The following KLHL14 variants were observed in gnomAD, a reference collection of about 807,000 sequenced individuals.
KLHL14 encodes kelch like family member 14.
A neutral mutation model predicts 64.3 loss-of-function variants in KLHL14; 22 were observed. The ratio of observed to expected loss-of-function variants is 0.34; its 90% CI spans 0.24 to 0.49. KLHL14 has a LOEUF of 0.49. KLHL14 is among the 20% of genes least tolerant of loss of function. The pLI, the probability that KLHL14 is intolerant of heterozygous loss-of-function variation, is 0.99. For synonymous variants in KLHL14, 322 were observed against 333.4 expected, an observed-to-expected ratio of 0.97 and a Z score of 0.37; for missense variants, 661 against 789.0, an observed-to-expected ratio of 0.84 and a Z score of 1.94.
intron 3 of KLHL14, among the ~76,000 whole-genome samples, chr18:32,717,463 AC>A (rs2050052221): frequency 6.6e-6 from 1 of 152,108 alleles, no homozygotes; most frequent in South Asian, 2.1e-4. Flanking sequence ...TTCTTCATCT[AC>A]CCCTGAAAAG....
At chr18:32,731,604 C>T (rs755468805) in intron 3 of KLHL14, among the ~76,000 whole-genome samples, 3 of 152,086 alleles carry the variant, frequency 2.0e-5, no homozygotes, top group Non-Finnish European at 4.4e-5. Context: ...AACAAACCTT[C>T]ACATGTACCC....
Position 32,683,046 on chromosome 18 carries a change from C to G in KLHL14, c.1239-2447G>C, listed in dbSNP as rs771338965. Among the ~76,000 whole-genome samples the G allele has an allele frequency of 1.3e-5, 2 of 152,176 alleles. No homozygotes were observed. The highest frequency in any genetic ancestry group is 1.3e-4 in the Admixed American group (2 of 15,284). ...ACAAGTATGAAAACCTTCTATTTAA[C>G]TGAGTATAGATTTTGAAGAATAAGA... is the stretch of plus-strand genomic sequence containing the variant. On this transcript the variant is annotated intron_variant, in intron 5 of 8. Coordinates refer to ENST00000359358, the MANE Select transcript of KLHL14 (RefSeq NM_020805.3). This position sits in a 1 kb window ranked among gnomAD's most constrained non-coding sequence, Gnocchi z 4.2.
At chr18:32,721,018 G>A (rs2050076934) in intron 3 of KLHL14, among the ~76,000 whole-genome samples, 1 of 152,190 alleles carries the variant, frequency 6.6e-6, no homozygotes, top group South Asian at 2.1e-4. Flanking sequence ...ATGGAAATAT[G>A]GGAGAATAAT....
At chr18:32,696,799 G>T (rs185000083) in intron 3 of KLHL14, among the ~76,000 whole-genome samples, 1 of 151,978 alleles carries the variant, frequency 6.6e-6, no homozygotes, top group South Asian at 2.1e-4. Context: ...AAGCATTTAC[G>T]CTGGCTAAGA....
intron 3 of KLHL14, among the ~76,000 whole-genome samples, chr18:32,704,657 G>T (rs558142635): frequency 2.5e-4 from 38 of 152,242 alleles, no homozygotes; most frequent in African/African-American, 9.1e-4. Context: ...AGGAGGCAGA[G>T]GTTGCTGTGA....
At chr18:32,735,721 A>T (rs2050162760) in intron 3 of KLHL14, among the ~76,000 whole-genome samples, 1 of 152,086 alleles carries the variant, frequency 6.6e-6, no homozygotes, top group South Asian at 2.1e-4. Flanking sequence ...ACATTTTCTT[A>T]TTATATATTG....
chr18:32,717,892 C>T (rs1259583362), intron 3 of KLHL14, among the ~76,000 whole-genome samples: 2 of 152,194 alleles, frequency 1.3e-5, no homozygotes, highest in Admixed American at 6.5e-5. Context: ...CTCCTCTAAA[C>T]GTTCATTTTC....
intron 2 of KLHL14, among the ~76,000 whole-genome samples, chr18:32,748,558 A>C (rs558986344): frequency 1.3e-5 from 2 of 151,388 alleles, no homozygotes; most frequent in Admixed American, 6.6e-5. Context: ...TTTAGTAGAG[A>C]CTGGGTTTCA....
At chr18:32,732,730 T>C (rs1736327731) in intron 3 of KLHL14, among the ~76,000 whole-genome samples, 1 of 152,210 alleles carries the variant, frequency 6.6e-6, no homozygotes, top group Admixed American at 6.5e-5. Flanking sequence ...ACTATTTACT[T>C]ACATAAACCA....
intron 3 of KLHL14, among the ~76,000 whole-genome samples, chr18:32,734,541 T>G (rs2050153734): frequency 6.6e-6 from 1 of 152,220 alleles, no homozygotes; most frequent in South Asian, 2.1e-4. Flanking sequence ...GACATAGAGA[T>G]TTCATTCTGA....
At chr18:32,729,502 A>C (rs2050125440) in intron 3 of KLHL14, among the ~76,000 whole-genome samples, 1 of 152,190 alleles carries the variant, frequency 6.6e-6, no homozygotes, top group African/African-American at 2.4e-5. Context: ...TGATATTTAC[A>C]TTGTAATAGG....
chr18:32,762,945 G>T (rs1404283088), intron 2 of KLHL14, among the ~76,000 whole-genome samples: 2 of 151,900 alleles, frequency 1.3e-5, no homozygotes, highest in East Asian at 1.9e-4. Context: ...AAATATACAG[G>T]TATTTTTATA....
intron 2 of KLHL14, among the ~76,000 whole-genome samples, chr18:32,750,305 C>A (rs1284064075): frequency 1.3e-5 from 2 of 152,036 alleles, no homozygotes; most frequent in African/African-American, 4.8e-5. Context: ...ATCTGTTATG[C>A]CTCCAGCTGA....
intron 2 of KLHL14, among the ~76,000 whole-genome samples, chr18:32,750,258 A>G (rs530412173): frequency 6.6e-6 from 1 of 152,302 alleles, no homozygotes; most frequent in South Asian, 2.1e-4. Flanking sequence ...TCCACAGGCC[A>G]GAGGATTATA....
intron 2 of KLHL14, among the ~76,000 whole-genome samples, chr18:32,755,778 T>C (rs1190385395): frequency 2.0e-5 from 3 of 152,200 alleles, no homozygotes; most frequent in Non-Finnish European, 2.9e-5. Flanking sequence ...CTAGGGAAGA[T>C]ATATTTTGTT....
chr18:32,757,997 T>C (rs149295272), intron 2 of KLHL14, among the ~76,000 whole-genome samples: 15 of 152,352 alleles, frequency 9.8e-5, no homozygotes, highest in African/African-American at 3.4e-4. Context: ...AGAAGCCCTA[T>C]GATGCTTACA....
intron 2 of KLHL14, among the ~76,000 whole-genome samples, chr18:32,764,731 C>A (rs1187606344): frequency 6.6e-6 from 1 of 152,128 alleles, no homozygotes; most frequent in Non-Finnish European, 1.5e-5. Context: ...AATGCCCATT[C>A]ATTTATGTAC....
chr18:32,701,190 C>T (rs545838802), intron 3 of KLHL14, among the ~76,000 whole-genome samples: 1 of 152,292 alleles, frequency 6.6e-6, no homozygotes, highest in African/African-American at 2.4e-5. Flanking sequence ...ATTCACTAAA[C>T]ACTCACTAGA....
At chr18:32,755,548 T>A (rs1374320486) in intron 2 of KLHL14, among the ~76,000 whole-genome samples, 1 of 152,176 alleles carries the variant, frequency 6.6e-6, no homozygotes, top group Non-Finnish European at 1.5e-5. Flanking sequence ...TTTGCAAAAA[T>A]TTTTCCCCAT....
Sources: gnomAD v4.1 joint callset for allele counts (sites outside exome capture counted in the v4.1 genomes callset) on GRCh38, gnomAD v4.1.1 for gene constraint, Gnocchi (gnomAD v3.1) non-coding constraint, MANE v1.5 for transcripts, NCBI Gene and HGNC (gene_info 2026-07-23, HGNC 2026-07-21) for gene names.